The following ARAP2 variants were observed in gnomAD, a reference collection of about 807,000 sequenced individuals.
ARAP2 encodes arf-GAP with Rho-GAP domain, ANK repeat and PH domain-containing protein 2.
ARAP2 carries 148 observed loss-of-function variants against 194.5 expected under a neutral mutation model. The ratio of observed to expected loss-of-function variants is 0.76; its 90% CI spans 0.67 to 0.87. The LOEUF is 0.87. Among genes scored for constraint, ARAP2 ranks in the 40% least tolerant of loss-of-function variants. The pLI is 0.00. For missense variants in ARAP2, 2,128 were observed against 1,989.7 expected (o/e 1.07, Z -1.32); for synonymous variants, 695 against 683.5 (o/e 1.02, Z -0.26).
At chr4:36,146,196 G>A (rs1427864923) in intron 19 of ARAP2, among the ~76,000 whole-genome samples, 7 of 151,762 alleles carry the variant, frequency 4.6e-5, no homozygotes, top group South Asian at 2.1e-4. Context: ...CTAACTTCAC[G>A]AAACATCCAC....
intron 20 of ARAP2, among the ~76,000 whole-genome samples, 158 bp from the exon 21 acceptor site, chr4:36,128,903 C>T (rs1036088404): frequency 2.0e-5 from 3 of 152,086 alleles, no homozygotes; most frequent in Middle Eastern, 3.4e-3. Context: ...AGGCTTTTTA[C>T]TCCTGATTTT....
chr4:36,019,227 A>G (rs1383971390), exon 6 of ARAP2: 1 of 149,614 alleles, frequency 6.7e-6, no homozygotes, highest in Non-Finnish European at 1.5e-5. Flanking sequence ...TACAAGGAAG[A>G]CCACAATCAC....
chr4:36,206,447 C>G (rs749039767), intron 6 of ARAP2, among the ~76,000 whole-genome samples: 109 of 152,308 alleles, frequency 7.2e-4, no homozygotes, highest in Non-Finnish European at 1.2e-3. Flanking sequence ...CTATCTCAAC[C>G]CTCAAGTACA....
At chr4:36,079,175 A>AC (rs1436268142) in intron 31 of ARAP2, among the ~76,000 whole-genome samples, 1 of 61,648 alleles carries the variant, frequency 1.6e-5, no homozygotes, top group East Asian at 2.9e-4. Flanking sequence ...CTCTGTCTCA[A>AC]AAAAAAAAAA....
chr4:36,042,908 T>C (rs916191751), intron 5 of ARAP2, among the ~76,000 whole-genome samples: 2 of 151,792 alleles, frequency 1.3e-5, no homozygotes, highest in African/African-American at 4.8e-5. Context: ...AATGGCACGA[T>C]CTTGGCTCAT....
chr4:36,232,197 GCTGA>G (rs1440120494), intron 1 of ARAP2, among the ~76,000 whole-genome samples: 1 of 152,212 alleles, frequency 6.6e-6, no homozygotes, highest in Non-Finnish European at 1.5e-5. Flanking sequence ...CAGCAGCTGA[GCTGA>G]CTAATACACT....
chr4:36,067,420 TCCC>T lies in ARAP2; in HGVS notation c.*484_*486del, dbSNP rs1258390820. 4 of 152,632 alleles carry T rather than the reference TCCC, an allele frequency of 2.6e-5. No individual in the cohort carries two copies. The highest frequency in any genetic ancestry group is 1.5e-5 in the Non-Finnish European group (1 of 68,050). The allele number at this position is 152,632 out of a possible 1,614,324, so 9.5% of individuals were successfully genotyped here. A position where few individuals can be genotyped will look rare whatever the true frequency, so the allele number is the denominator to read the frequency against. ...TTTAGGCAGCCACTACAATAAATTC[TCCC>T]CCCTTTTTCAATTTACTTCCCTTTC... On this transcript the variant is annotated 3_prime_UTR_variant, in exon 33 of 33. Coordinates refer to ENST00000303965, the MANE Select transcript of ARAP2 (RefSeq NM_015230.4).
chr4:36,114,301 A>G lies in ARAP2; in HGVS notation c.4039-14T>C. ...CACAGGAGATATCTGTAAGAGAAGT[A>G]ATATTTTTTCAAAAAACGTGTTAGA... is the stretch of plus-strand genomic sequence containing the variant. On this transcript the variant is annotated splice_polypyrimidine_tract_variant and intron_variant, in intron 25 of 32. Transcript: ENST00000303965. 2.6e-6 allele frequency: 4 copies of G among 1,523,210 alleles called. No homozygotes were observed. Among genetic ancestry groups the G allele is most frequent in the Non-Finnish European group, 2.7e-6 (3 of 1,111,696 alleles). The allele number at this position is 1,523,210 out of a possible 1,614,324, so 94.4% of individuals were successfully genotyped here.
chr4:36,070,809 A>G (rs924750114), intron 32 of ARAP2, among the ~76,000 whole-genome samples: 12 of 152,196 alleles, frequency 7.9e-5, no homozygotes, highest in African/African-American at 2.9e-4. Context: ...TAATCATCAC[A>G]ACACTTTAAA....
At position 36,113,643 on chromosome 4, in the gene ARAP2, A is replaced by G. The variant is rs1236269132; in HGVS notation, c.4156+527T>C. Reference sequence around the variant, plus strand: ...TTTGAAACCACATGGTGTTATTAAAATGTTAAGCTCATTCAGCACTTGACT... The same window carrying G: ...TTTGAAACCACATGGTGTTATTAAAGTGTTAAGCTCATTCAGCACTTGACT... On this transcript the variant is annotated intron_variant, in intron 26 of 32. Transcript: ENST00000303965. Among the ~76,000 whole-genome samples, 3 of 151,904 alleles carry G rather than the reference A, an allele frequency of 2.0e-5. No individual in the cohort carries two copies. The East Asian group carries it at 5.8e-4, about 30-fold the overall frequency.
chr4:36,090,766 G>A (rs1713396338), intron 28 of ARAP2, among the ~76,000 whole-genome samples: 1 of 152,074 alleles, frequency 6.6e-6, no homozygotes, highest in African/African-American at 2.4e-5. Flanking sequence ...TTGGTTGGTG[G>A]AGCGTAGAGG....
chr4:36,234,264 G>A lies in ARAP2; in HGVS notation c.-159-4619C>T, dbSNP rs138605869. ...AGGATGGGAAGTCCAAGGTCAAGGC[G>A]CCTGCAGACATCATAGATAATGCCT... On this transcript the variant is annotated intron_variant, in intron 1 of 32. Coordinates refer to ENST00000303965, the MANE Select transcript of ARAP2 (RefSeq NM_015230.4). Among the ~76,000 whole-genome samples the A allele has an allele frequency of 1.5e-3, 234 of 152,284 alleles. 1 individual carries two copies. The highest frequency in any genetic ancestry group is 5.6e-3 in the South Asian group (27 of 4,824).
At chr4:36,136,772 GA>G (rs1442910636) in intron 19 of ARAP2, among the ~76,000 whole-genome samples, 1 of 144,812 alleles carries the variant, frequency 6.9e-6, no homozygotes, top group Non-Finnish European at 1.5e-5. Flanking sequence ...ACCAGTCTAA[GA>G]ATCAAATATA....
chr4:36,082,836 T>C (rs1729886825), intron 29 of ARAP2, among the ~76,000 whole-genome samples: 1 of 152,102 alleles, frequency 6.6e-6, no homozygotes, highest in Non-Finnish European at 1.5e-5. Context: ...ACATGAAGTG[T>C]TAAAGAGGCA....
At chr4:36,017,021 C>T (rs754085580) in intron 6 of ARAP2, among the ~76,000 whole-genome samples, 1 of 152,032 alleles carries the variant, frequency 6.6e-6, no homozygotes. Context: ...TGTGTCAAAT[C>T]CGTGCTCATT....
chr4:36,008,453 A>C (rs1000199522), intron 9 of ARAP2, among the ~76,000 whole-genome samples: 1 of 152,174 alleles, frequency 6.6e-6, no homozygotes, highest in Non-Finnish European at 1.5e-5. Context: ...ATGACTTCTT[A>C]TTCAGTAAAT....
chr4:36,105,201 T>C (rs750662528), intron 27 of ARAP2, among the ~76,000 whole-genome samples: 1 of 151,882 alleles, frequency 6.6e-6, no homozygotes, highest in Non-Finnish European at 1.5e-5. Context: ...GCACCTATAA[T>C]ACCAGCTACA....
At chr4:36,154,281 A>G (rs1253162500) in intron 15 of ARAP2, among the ~76,000 whole-genome samples, 2 of 152,234 alleles carry the variant, frequency 1.3e-5, no homozygotes, top group African/African-American at 4.8e-5. Context: ...AAGATACATT[A>G]GTAATCCTTT....
At chr4:36,045,747 T>A (rs1250033410) in intron 5 of ARAP2, among the ~76,000 whole-genome samples, 3 of 152,196 alleles carry the variant, frequency 2.0e-5, no homozygotes, top group Non-Finnish European at 1.5e-5. Context: ...ATAGATATGC[T>A]AATTAGACTG....
Sources: gnomAD v4.1 joint callset for allele counts (sites outside exome capture counted in the v4.1 genomes callset) on GRCh38, gnomAD v4.1.1 for gene constraint, MANE v1.5 for transcripts, NCBI Gene and HGNC (gene_info 2026-07-23, HGNC 2026-07-21) for gene names.